NUDT3: variants seen among roughly 807,000 people sequenced by gnomAD.
The protein encoded by NUDT3 is nudix hydrolase 3.
In NUDT3, 9 loss-of-function variants were observed where a neutral mutation model predicts 23.6. The observed-to-expected ratio is 0.38, with a 90% confidence interval of 0.23 to 0.66. NUDT3 has a LOEUF of 0.66. Ranked by LOEUF, NUDT3 falls within the 30% of genes least tolerant of loss-of-function variation. The pLI, the probability that NUDT3 is intolerant of heterozygous loss-of-function variation, is 0.52. For synonymous variants in NUDT3, 86 were observed against 82.6 expected (o/e 1.04, Z -0.22); for missense variants, 172 against 218.5 (o/e 0.79, Z 1.34).
Position 34,351,118 on chromosome 6 carries a change from G to C in NUDT3, c.100-9146C>G, listed in dbSNP as rs553846613. Among the ~76,000 whole-genome samples, 46 of 141,578 alleles carry C rather than the reference G, an allele frequency of 3.2e-4. 3 individuals carry two copies. The highest frequency in any genetic ancestry group is 1.2e-3 in the African/African-American group (45 of 36,960). 92.9% of individuals were successfully genotyped at this position (141,578 alleles called of 152,430 possible). On this transcript the variant is annotated intron_variant, in intron 1 of 4. Coordinates refer to ENST00000607016, the MANE Select transcript of NUDT3 (RefSeq NM_006703.4). ...TAATCCCAGCACTCTGGGAGGCTGA[G>C]GTGGGGGTATCACTTGAGCCTAGGA...
At chr6:34,347,167 T>C (rs561967227) in intron 1 of NUDT3, among the ~76,000 whole-genome samples, 1 of 152,340 alleles carries the variant, frequency 6.6e-6, no homozygotes, top group African/African-American at 2.4e-5. Context: ...GAAGTTTGAT[T>C]TTGACATATA....
chr6:34,387,030 A>G (rs1765117722), intron 1 of NUDT3, among the ~76,000 whole-genome samples: 1 of 152,166 alleles, frequency 6.6e-6, no homozygotes, highest in Non-Finnish European at 1.5e-5. Context: ...GGATCGCTTA[A>G]GCCCAGAAGG....
At chr6:34,305,040 T>C (rs1030232788) in intron 2 of NUDT3, among the ~76,000 whole-genome samples, 7 of 137,184 alleles carry the variant, frequency 5.1e-5, no homozygotes. Flanking sequence ...AGGAGAGCAA[T>C]GGCGTGATAC....
At chr6:34,381,839 C>A (rs920936154) in intron 1 of NUDT3, among the ~76,000 whole-genome samples, 2 of 151,670 alleles carry the variant, frequency 1.3e-5, no homozygotes, top group African/African-American at 4.8e-5. Flanking sequence ...CTTTGGGAGG[C>A]CGAGGCAGGC....
chr6:34,391,776 C>A (rs1765204523), intron 1 of NUDT3, among the ~76,000 whole-genome samples: 1 of 150,476 alleles, frequency 6.6e-6, no homozygotes, highest in Non-Finnish European at 1.5e-5. Context: ...TTTGGGCTCA[C>A]AGACATATAA....
At chr6:34,327,924 C>T (rs999912707) in intron 2 of NUDT3, among the ~76,000 whole-genome samples, 3 of 152,250 alleles carry the variant, frequency 2.0e-5, no homozygotes, top group South Asian at 2.1e-4. Context: ...TCACTGCTCA[C>T]GATGTCCCTT....
chr6:34,307,333 CT>C (rs1392686420), intron 2 of NUDT3, among the ~76,000 whole-genome samples: 4 of 152,114 alleles, frequency 2.6e-5, no homozygotes, highest in African/African-American at 9.7e-5. Flanking sequence ...AATGCCAGCA[CT>C]TTTGGAGGTC....
chr6:34,324,066 C>T (rs767203271), intron 2 of NUDT3, among the ~76,000 whole-genome samples: 15 of 152,058 alleles, frequency 9.9e-5, no homozygotes, highest in Non-Finnish European at 7.4e-5. Context: ...TAAAAGCCTT[C>T]AGAATGGGCT....
At chr6:34,327,541 AAAAG>A (rs938376748) in intron 2 of NUDT3, among the ~76,000 whole-genome samples, 7 of 151,950 alleles carry the variant, frequency 4.6e-5, no homozygotes, top group African/African-American at 1.2e-4. Context: ...AAAAAAAAAA[AAAAG>A]AAAGAAAGAT....
In NUDT3 at chr6:34,359,456, T is replaced by A. The variant is rs573216046; in HGVS notation, c.100-17484A>T. Among the ~76,000 whole-genome samples, 24 of 152,294 alleles carry A rather than the reference T, an allele frequency of 1.6e-4. No homozygotes were observed. The East Asian group carries it at 4.6e-3, about 29-fold the overall frequency. On this transcript the variant is annotated intron_variant, in intron 1 of 4. Transcript: ENST00000607016. ...CCATCCTCCCACTTCCTGGCAACCATCAATTTGTTTTTTGTATCTATGGAT... is the reference window on the plus strand; with the variant it reads ...CCATCCTCCCACTTCCTGGCAACCAACAATTTGTTTTTTGTATCTATGGAT...
intron 3 of NUDT3, among the ~76,000 whole-genome samples, chr6:34,294,410 C>T (rs143321656): frequency 3.4e-4 from 51 of 152,192 alleles, no homozygotes; most frequent in African/African-American, 1.2e-3. Context: ...GCATGAGCCA[C>T]AGTGCCCAGC....
In NUDT3 at chr6:34,392,251, C is replaced by A. The variant is rs770423110; in HGVS notation, c.99+13G>T. 1.4e-5 allele frequency: 22 copies of A among 1,577,058 alleles called. No individual in the cohort carries two copies. Among genetic ancestry groups the A allele is most frequent in the Non-Finnish European group, 1.8e-5 (21 of 1,168,234 alleles). Reference sequence around the variant, plus strand: ...GACCCGGCGACCCCGGCCCGCCCAGCCTGCCGCCTCACCTCCTCCTCGCTC... The same window carrying A: ...GACCCGGCGACCCCGGCCCGCCCAGACTGCCGCCTCACCTCCTCCTCGCTC... On this transcript the variant is annotated intron_variant, in intron 1 of 4. Transcript: ENST00000607016.
chr6:34,365,282 T>C (rs1036978058), intron 1 of NUDT3, among the ~76,000 whole-genome samples: 2 of 149,716 alleles, frequency 1.3e-5, no homozygotes, highest in Non-Finnish European at 3.0e-5. Flanking sequence ...ATACAAAAAT[T>C]AGCCAGGCAT....
chr6:34,291,741 G>C (rs901486129), intron 4 of NUDT3, among the ~76,000 whole-genome samples: 1 of 152,054 alleles, frequency 6.6e-6, no homozygotes, highest in Non-Finnish European at 1.5e-5. Context: ...GACCTCAAGT[G>C]ATTCGCCTGC....
At chr6:34,366,388 A>G (rs1764730113) in intron 1 of NUDT3, among the ~76,000 whole-genome samples, 1 of 149,782 alleles carries the variant, frequency 6.7e-6, no homozygotes, top group African/African-American at 2.5e-5. Context: ...AAAGAAAAGA[A>G]AAGAGAGAAA....
intron 1 of NUDT3, among the ~76,000 whole-genome samples, chr6:34,387,586 G>A (rs1765126583): frequency 6.6e-6 from 1 of 151,006 alleles, no homozygotes; most frequent in African/African-American, 2.4e-5. Flanking sequence ...AGTTGTCCTA[G>A]CTGCTTGGGA....
At chr6:34,322,578 A>G (rs562180562) in intron 2 of NUDT3, among the ~76,000 whole-genome samples, 83 of 152,342 alleles carry the variant, frequency 5.4e-4, no homozygotes, top group African/African-American at 1.8e-3. Flanking sequence ...GCATATGGGA[A>G]GAATGGAAAT....
chr6:34,365,519 T>C (rs1324123856), intron 1 of NUDT3, among the ~76,000 whole-genome samples: 1 of 152,152 alleles, frequency 6.6e-6, no homozygotes, highest in Non-Finnish European at 1.5e-5. Flanking sequence ...GCAAGATGAA[T>C]AAAATTTGAA....
At chr6:34,369,794 C>A (rs1764798640) in intron 1 of NUDT3, among the ~76,000 whole-genome samples, 1 of 151,822 alleles carries the variant, frequency 6.6e-6, no homozygotes, top group Non-Finnish European at 1.5e-5. Flanking sequence ...CCTGGAGGGT[C>A]TTCTCAGGAA....
Sources: gnomAD v4.1 joint callset for allele counts (sites outside exome capture counted in the v4.1 genomes callset) on GRCh38, gnomAD v4.1.1 for gene constraint, MANE v1.5 for transcripts, NCBI Gene and HGNC (gene_info 2026-07-23, HGNC 2026-07-21) for gene names.